Variants in NINJ2 observed in about 807,000 individuals in gnomAD.
NINJ2 encodes the protein ninjurin-2.
Under a neutral mutation model 11.7 loss-of-function variants are expected in NINJ2, and 12 were observed. The observed-to-expected ratio is 1.02, with a 90% CI of 0.66 to 1.66. The LOEUF (loss-of-function observed/expected upper bound fraction) is 1.66, where lower values mean the gene tolerates loss of function less well. Among genes scored for constraint, NINJ2 ranks in the 40% most tolerant of loss-of-function variants. The pLI is 0.00. For synonymous variants in NINJ2, 93 were observed against 76.8 expected (o/e 1.21, Z -1.10); for missense variants, 187 against 181.8 (o/e 1.03, Z -0.16).
At position 633,381 on chromosome 12, in the gene NINJ2, C is replaced by T. The variant is rs1350377863; in HGVS notation, c.33+29947G>A. On this transcript the variant is annotated intron_variant, in intron 1 of 3. Transcript: ENST00000305108. This position sits in a 1 kb window ranked among gnomAD's most constrained non-coding sequence, Gnocchi z 4.3. ...GACATGGTGGCACGTGCCTGTAATC[C>T]CAGCTACCCGGGTTGCTGAGGCAGG... Among the ~76,000 whole-genome samples the T allele has an allele frequency of 6.6e-6, 1 of 152,082 alleles. No individual in the cohort carries two copies. Among genetic ancestry groups the T allele is most frequent in the African/African-American group, 2.4e-5 (1 of 41,388 alleles).
chr12:604,625 G>A (rs1483014294), intron 1 of NINJ2, among the ~76,000 whole-genome samples: 2 of 152,164 alleles, frequency 1.3e-5, no homozygotes, highest in East Asian at 1.9e-4. Context: ...GCGACAGAGC[G>A]AGACTCAGTC....
In NINJ2 at chr12:633,536, C is replaced by A. The variant is rs1249394663; in HGVS notation, c.33+29792G>T. Among the ~76,000 whole-genome samples the A allele has an allele frequency of 6.6e-6, 1 of 152,158 alleles. No individual in the cohort carries two copies. The highest frequency in any genetic ancestry group is 1.5e-5 in the Non-Finnish European group (1 of 68,024). ...TCATGTCATTTAAAAACTTCTGAGGCTGGGCCCAGTGGCCCATGCCCGTAA... is the reference window on the plus strand; with the variant it reads ...TCATGTCATTTAAAAACTTCTGAGGATGGGCCCAGTGGCCCATGCCCGTAA... On this transcript the variant is annotated intron_variant, in intron 1 of 3. Coordinates refer to ENST00000305108, the MANE Select transcript of NINJ2 (RefSeq NM_016533.6). This position sits in a 1 kb window ranked among gnomAD's most constrained non-coding sequence, Gnocchi z 4.3.
chr12:636,795 C>T (rs1464732868), intron 1 of NINJ2, among the ~76,000 whole-genome samples: 3 of 152,248 alleles, frequency 2.0e-5, no homozygotes, highest in Admixed American at 6.5e-5. Context: ...CTGGTGAGAA[C>T]GTAAATGATG....
At chr12:566,343 A>G (rs1947301512) in intron 1 of NINJ2, among the ~76,000 whole-genome samples, 165 bp from the exon 2 acceptor site, 2 of 152,204 alleles carry the variant, frequency 1.3e-5, no homozygotes. Flanking sequence ...GGGTTGGACG[A>G]GAAAACCCAT....
chr12:599,046 C>T (rs780824415), intron 1 of NINJ2, among the ~76,000 whole-genome samples: 20 of 151,046 alleles, frequency 1.3e-4, no homozygotes, highest in Middle Eastern at 3.4e-3. Context: ...TTGTACCAGC[C>T]GAAAAAGAGA....
At chr12:637,510 A>G (rs1033550197) in intron 1 of NINJ2, among the ~76,000 whole-genome samples, 3 of 148,890 alleles carry the variant, frequency 2.0e-5, no homozygotes, top group African/African-American at 7.5e-5. Context: ...GCATGGTGGC[A>G]GGCACCTGAA....
chr12:657,509 A>C (rs1937889626), intron 1 of NINJ2, among the ~76,000 whole-genome samples: 1 of 152,114 alleles, frequency 6.6e-6, no homozygotes, highest in Non-Finnish European at 1.5e-5. Flanking sequence ...GGATCGCTTG[A>C]ACCCGGGAAG....
chr12:638,305 T>G (rs1016998457), intron 1 of NINJ2, among the ~76,000 whole-genome samples: 4 of 152,252 alleles, frequency 2.6e-5, no homozygotes, highest in African/African-American at 9.6e-5. Flanking sequence ...CAGCCAGGGT[T>G]CCAGGAGCCA....
Position 580,488 on chromosome 12 carries a change from T to G in NINJ2, c.34-14310A>C, listed in dbSNP as rs568151928. ...CTATAATTCCAGCTACTCGGGAGGC[T>G]GAGGCAGGAGAATCACTTGAACCTG... On this transcript the variant is annotated intron_variant, in intron 1 of 3. Transcript: ENST00000305108. This position sits in a 1 kb window ranked among gnomAD's most constrained non-coding sequence, Gnocchi z 4.7. Among the ~76,000 whole-genome samples the G allele has an allele frequency of 6.6e-6, 1 of 151,800 alleles. No homozygotes were observed. The highest frequency in any genetic ancestry group is 2.4e-5 in the African/African-American group (1 of 41,344).
chr12:639,682 C>A (rs184669129), intron 1 of NINJ2, among the ~76,000 whole-genome samples: 24 of 152,236 alleles, frequency 1.6e-4, no homozygotes, highest in Admixed American at 1.3e-3. Context: ...GAGAACATGA[C>A]CATTTGCTAT....
chr12:623,340 A>G lies in NINJ2; in HGVS notation c.33+39988T>C, dbSNP rs1382273976. On this transcript the variant is annotated intron_variant, in intron 1 of 3. Coordinates refer to ENST00000305108, the MANE Select transcript of NINJ2 (RefSeq NM_016533.6). ...CTCCCAGCCTCTGTCCCCCTCCCCC[A>G]CTGCTACCCGAGCAGCTCTCCCTTC... Among the ~76,000 whole-genome samples, 3 of 151,960 alleles carry G rather than the reference A, an allele frequency of 2.0e-5. No homozygotes were observed. The East Asian group carries it at 5.8e-4, about 29-fold the overall frequency.
At chr12:629,836 G>A (rs752646179) in intron 1 of NINJ2, among the ~76,000 whole-genome samples, 3 of 137,164 alleles carry the variant, frequency 2.2e-5, no homozygotes, top group South Asian at 2.4e-4. Context: ...GTGGTGAGCC[G>A]AGATCGTGCC....
chr12:650,524 C>T (rs927881824), intron 1 of NINJ2, among the ~76,000 whole-genome samples: 2 of 152,052 alleles, frequency 1.3e-5, no homozygotes, highest in Non-Finnish European at 2.9e-5. Context: ...ATAGTGAAAC[C>T]CTGTCTCTTC....
intron 1 of NINJ2, among the ~76,000 whole-genome samples, chr12:612,032 C>T (rs971748535): frequency 1.3e-5 from 2 of 152,160 alleles, no homozygotes; most frequent in African/African-American, 2.4e-5. Flanking sequence ...AAGGAAGGCA[C>T]CTGTCTTCTC....
intron 1 of NINJ2, among the ~76,000 whole-genome samples, chr12:616,724 G>T (rs376550303): frequency 6.6e-6 from 1 of 152,214 alleles, no homozygotes; most frequent in Non-Finnish European, 1.5e-5. Context: ...GAAACTGCTA[G>T]TGTTCTCCTC....
intron 1 of NINJ2, among the ~76,000 whole-genome samples, chr12:658,783 G>C (rs149962011): frequency 6.6e-6 from 1 of 151,822 alleles, no homozygotes; most frequent in Non-Finnish European, 1.5e-5. Flanking sequence ...ATGTTATTAC[G>C]CATAGAATGT....
chr12:610,289 A>C (rs1330476350), intron 1 of NINJ2: 2 of 1,408,450 alleles, frequency 1.4e-6, no homozygotes, highest in East Asian at 2.5e-5. Flanking sequence ...CCCAGTCCCC[A>C]GTGCCCAGCA....
chr12:660,369 T>G (rs1314803876), intron 1 of NINJ2, among the ~76,000 whole-genome samples: 1 of 149,640 alleles, frequency 6.7e-6, no homozygotes, highest in Non-Finnish European at 1.5e-5. Flanking sequence ...TCTTTTTTTT[T>G]TTTTTGAGAC....
At chr12:656,330 C>T (rs1006618604) in intron 1 of NINJ2, among the ~76,000 whole-genome samples, 1 of 151,850 alleles carries the variant, frequency 6.6e-6, no homozygotes, top group Non-Finnish European at 1.5e-5. Context: ...CGTCACTGCA[C>T]TCCAGCCTGG....
Sources: gnomAD v4.1 joint callset for allele counts (sites outside exome capture counted in the v4.1 genomes callset) on GRCh38, gnomAD v4.1.1 for gene constraint, Gnocchi (gnomAD v3.1) non-coding constraint, MANE v1.5 for transcripts, NCBI Gene and HGNC (gene_info 2026-07-23, HGNC 2026-07-21) for gene names.